Variants in CDH4 observed in about 807,000 individuals in gnomAD.
CDH4 encodes the protein cadherin 4, also known as cadherin-4.
CDH4 carries 33 observed loss-of-function variants against 86.0 expected under a neutral mutation model. That is an observed-to-expected ratio of 0.38 (90% CI 0.29 to 0.51). The LOEUF (loss-of-function observed/expected upper bound fraction) is 0.51. CDH4 is among the 20% of genes least tolerant of loss of function. The pLI is 0.86. For missense variants in CDH4, 1,114 were observed against 1,307.4 expected (o/e 0.85, Z 2.28); for synonymous variants, 555 against 549.4 (o/e 1.01, Z -0.14).
chr20:61,348,145 G>T lies in CDH4; in HGVS notation c.169+93208G>T, dbSNP rs1035722244. ...GCTAATAAAGACATACCTGAGACTG[G>T]GTCATTTATAAAGGAAAGAGGTTTA... On this transcript the variant is annotated intron_variant, in intron 2 of 15. Transcript: ENST00000614565. 5.9e-5 allele frequency among the ~76,000 whole-genome samples: 9 copies of T among 152,186 alleles called. No homozygotes were observed. In the South Asian group the frequency reaches 6.2e-4, roughly 11 times the overall value.
intron 2 of CDH4, among the ~76,000 whole-genome samples, chr20:61,614,979 C>A (rs1260736493): frequency 6.6e-6 from 1 of 152,114 alleles, no homozygotes; most frequent in Admixed American, 6.5e-5. Flanking sequence ...GTGAATCCCA[C>A]CCACCCCAGA....
chr20:61,296,032 A>T (rs1047078492), intron 2 of CDH4, among the ~76,000 whole-genome samples: 4 of 151,966 alleles, frequency 2.6e-5, no homozygotes, highest in African/African-American at 9.7e-5. Context: ...AGGGGTGGGG[A>T]GTAGTTAATG....
Position 61,480,815 on chromosome 20 carries a change from G to A in CDH4, c.169+225878G>A, listed in dbSNP as rs2085564373. On this transcript the variant is annotated intron_variant, in intron 2 of 15. Coordinates refer to ENST00000614565, the MANE Select transcript of CDH4 (RefSeq NM_001794.5). The surrounding 1 kb of genome is among the most constrained non-coding windows in gnomAD (Gnocchi z 5.2). Reference sequence around the variant, plus strand: ...TTTCCACACCTGCTGGTTGTTTGAAGTTAAGAAGTTCATGCCCCATCTTTG... The same window carrying A: ...TTTCCACACCTGCTGGTTGTTTGAAATTAAGAAGTTCATGCCCCATCTTTG... Among the ~76,000 whole-genome samples, 1 of 152,238 alleles carries A rather than the reference G, an allele frequency of 6.6e-6. No homozygotes were observed. The highest frequency in any genetic ancestry group is 2.4e-5 in the African/African-American group (1 of 41,472).
chr20:61,550,739 T>C (rs2086123441), intron 2 of CDH4, among the ~76,000 whole-genome samples: 1 of 152,170 alleles, frequency 6.6e-6, no homozygotes, highest in Admixed American at 6.5e-5. Flanking sequence ...GAGAGCCACA[T>C]GGTGGTGTCT....
intron 2 of CDH4, among the ~76,000 whole-genome samples, chr20:61,461,362 G>A (rs1275218679): frequency 6.6e-6 from 1 of 152,156 alleles, no homozygotes; most frequent in Non-Finnish European, 1.5e-5. Context: ...TTAATGAACT[G>A]CATTAGTTCA....
chr20:61,710,701 C>T (rs899239631), intron 2 of CDH4, among the ~76,000 whole-genome samples: 18 of 152,226 alleles, frequency 1.2e-4, no homozygotes, highest in Admixed American at 2.0e-4. Flanking sequence ...CACGTTCATC[C>T]TGACATTCTC....
chr20:61,654,067 G>A (rs2087159873), intron 2 of CDH4, among the ~76,000 whole-genome samples: 1 of 152,178 alleles, frequency 6.6e-6, no homozygotes, highest in African/African-American at 2.4e-5. Context: ...GGGAGGCCAA[G>A]GCAGGCGGCT....
intron 7 of CDH4, among the ~76,000 whole-genome samples, chr20:61,876,279 C>A (rs1352573242): frequency 2.6e-5 from 4 of 152,230 alleles, no homozygotes; most frequent in Non-Finnish European, 5.9e-5. Flanking sequence ...ACGGGGAAAG[C>A]ACAGGGGCCA....
chr20:61,360,124 T>A (rs909781168), intron 2 of CDH4, among the ~76,000 whole-genome samples: 1 of 152,156 alleles, frequency 6.6e-6, no homozygotes, highest in African/African-American at 2.4e-5. Flanking sequence ...GTTCTCGGCA[T>A]CTTGGGGAAG....
chr20:61,570,653 T>A (rs1227372894), intron 2 of CDH4: 19 of 702,214 alleles, frequency 2.7e-5, no homozygotes, highest in Non-Finnish European at 4.9e-5. Context: ...TTCACAATGG[T>A]ATTGGGCTGT....
At chr20:61,625,219 G>A (rs910058187) in intron 2 of CDH4, among the ~76,000 whole-genome samples, 3 of 152,148 alleles carry the variant, frequency 2.0e-5, no homozygotes, top group African/African-American at 4.8e-5. Flanking sequence ...AGAGGCACCC[G>A]GACCCAGGCG....
chr20:61,571,380 CG>C (rs2086340589), intron 2 of CDH4, among the ~76,000 whole-genome samples: 1 of 152,188 alleles, frequency 6.6e-6, no homozygotes, highest in South Asian at 2.1e-4. Flanking sequence ...GCCTTGACAT[CG>C]GGTGAGCATC....
At chr20:61,449,804 A>G (rs2145544463) in intron 2 of CDH4, among the ~76,000 whole-genome samples, 1 of 152,344 alleles carries the variant, frequency 6.6e-6, no homozygotes, top group Non-Finnish European at 1.5e-5. Flanking sequence ...GGCTATTATT[A>G]GACTTAATTT....
intron 2 of CDH4, among the ~76,000 whole-genome samples, chr20:61,262,387 C>G (rs551094326): frequency 6.8e-6 from 1 of 147,862 alleles, no homozygotes; most frequent in Non-Finnish European, 1.5e-5. Flanking sequence ...CCGAGGTTCA[C>G]GTGGGTTCCC....
At chr20:61,357,799 G>C (rs921432083) in intron 2 of CDH4, among the ~76,000 whole-genome samples, 3 of 152,304 alleles carry the variant, frequency 2.0e-5, no homozygotes, top group South Asian at 4.1e-4. Flanking sequence ...AAGCAGACCC[G>C]TGTGCCAGCC....
At chr20:61,814,940 G>A (rs1397901913) in intron 4 of CDH4, among the ~76,000 whole-genome samples, 1 of 152,176 alleles carries the variant, frequency 6.6e-6, no homozygotes, top group Non-Finnish European at 1.5e-5. Flanking sequence ...CCCCGGCTCT[G>A]CAAAGCCCAG....
intron 2 of CDH4, among the ~76,000 whole-genome samples, chr20:61,616,037 G>A (rs574716198): frequency 3.5e-4 from 54 of 152,356 alleles, no homozygotes; most frequent in African/African-American, 1.2e-3. Flanking sequence ...GTGGCCACGG[G>A]CCCCCTGCGT....
chr20:61,934,782 G>C (rs2055160255), intron 15 of CDH4, among the ~76,000 whole-genome samples: 1 of 145,880 alleles, frequency 6.9e-6, no homozygotes, highest in African/African-American at 2.5e-5. Flanking sequence ...GCCACACAGA[G>C]GTGGCTGCCT....
Position 61,706,709 on chromosome 20 carries a change from G to A in CDH4, c.170-36854G>A, listed in dbSNP as rs555845133. Reference sequence around the variant, plus strand: ...ATCCCCGATGTGTAGAAACCACCTTGGCTGAATTCTCCCGAGCCCGCTGCA... The same window carrying A: ...ATCCCCGATGTGTAGAAACCACCTTAGCTGAATTCTCCCGAGCCCGCTGCA... On this transcript the variant is annotated intron_variant, in intron 2 of 15. Transcript: ENST00000614565. Among the ~76,000 whole-genome samples, 12 of 152,240 alleles carry A rather than the reference G, an allele frequency of 7.9e-5. No homozygotes were observed. In the Middle Eastern group the frequency reaches 0.01, roughly 129 times the overall value.
Sources: allele counts gnomAD v4.1 joint callset (sites outside exome capture counted in the v4.1 genomes callset), GRCh38; gene constraint gnomAD v4.1.1; non-coding constraint Gnocchi (gnomAD v3.1); transcripts MANE v1.5; gene names NCBI Gene and HGNC (gene_info 2026-07-23, HGNC 2026-07-21).